TBKBP1: variants seen among roughly 807,000 people sequenced by gnomAD.
The protein encoded by TBKBP1 is TBK1 binding protein 1.
In TBKBP1, 47 loss-of-function variants were observed where a neutral mutation model predicts 69.9. That is an observed-to-expected ratio of 0.67 (90% confidence interval 0.53 to 0.86). TBKBP1 has a LOEUF of 0.86. Ranked by LOEUF, TBKBP1 falls within the 40% of genes least tolerant of loss-of-function variation. The pLI is 0.00. For synonymous variants in TBKBP1, 418 were observed against 390.3 expected (o/e 1.07, Z -0.84); for missense variants, 831 against 858.6 (o/e 0.97, Z 0.40).
chr17:47,707,040 ATCTGTGTGGAGTGACACCTGGTATTT>A (rs2031727306), intron 7 of TBKBP1, among the ~76,000 whole-genome samples: 1 of 152,172 alleles, frequency 6.6e-6, no homozygotes, highest in Non-Finnish European at 1.5e-5. Flanking sequence ...CTGGGAAGAG[ATCTGTGTGGAGTGACACCTGGTATTT>A]TCTCCCAGCT....
intron 3 of TBKBP1, 101 bp downstream of exon 3, chr17:47,696,934 A>T (rs569249574): frequency 9.1e-6 from 14 of 1,546,458 alleles, no homozygotes; most frequent in Non-Finnish European, 1.1e-5. Context: ...CTGCCCTTTG[A>T]TTAGAGATGG....
In TBKBP1 at chr17:47,705,444, T is replaced by G. The variant is rs74431126; in HGVS notation, c.873-2950T>G. ...GTGAGCACTCAAACAGATCATCCGA[T>G]TCTTTTCTCTCTGGGTGCCTCCCAG... On this transcript the variant is annotated intron_variant, in intron 7 of 9. Transcript: ENST00000578982. 4.2e-3 allele frequency among the ~76,000 whole-genome samples: 636 copies of G among 152,346 alleles called. 2 individuals carry two copies. The highest frequency in any genetic ancestry group is 6.8e-3 in the Non-Finnish European group (462 of 68,040).
chr17:47,694,888 A>AG (rs56069116), intron 1 of TBKBP1, among the ~76,000 whole-genome samples: 38,758 of 126,156 alleles, frequency 0.31, 6,725 homozygotes, highest in Non-Finnish European at 0.37. Context: ...TGGGTGGCGG[A>AG]GGGGGGGGGG....
chr17:47,708,418 C>T lies in TBKBP1; in HGVS notation c.897C>T (p.Thr299=), dbSNP rs372392812. Residue 299 remains threonine (T), a synonymous_variant, in exon 8 of 10, where the codon ACC becomes ACT. Coordinates refer to ENST00000578982, the MANE Select transcript of TBKBP1 (RefSeq NM_001394755.1). This position sits in a 1 kb window ranked among gnomAD's most constrained non-coding sequence, Gnocchi z 4.4. ...DDQVNLALAY[T]ELTEELGRLR... is the part of the protein sequence containing the mutation. ...GGGTGAATTTGGCGCTGGCCTACAC[C>T]GAGCTGACGGAGGAGCTGGGCCGGC... The T allele has an allele frequency of 4.0e-4, 647 of 1,613,922 alleles. 1 individual carries two copies. Among genetic ancestry groups the T allele is most frequent in the Non-Finnish European group, 4.0e-4 (470 of 1,179,846 alleles).
rs1157523584 is a variant in TBKBP1, at chr17:47,696,173, G to A, written c.61G>A (p.Glu21Lys). 1.9e-6 allele frequency: 3 copies of A among 1,613,742 alleles called. No individual in the cohort carries two copies. The highest frequency in any genetic ancestry group is 8.5e-7 in the Non-Finnish European group (1 of 1,179,866). The change falls in exon 2 of 10, where the codon GAG becomes AAG. Residue 21 changes from glutamate to lysine, a missense_variant. Physicochemically the swap from Glu to Lys is moderately conservative, Grantham distance 56. Transcript: ENST00000578982. ...GACGCAGGAGGCCCTGGGGCCTAGT[G>A]AGGTGTGGCTGGACAGTCCCGGAGA... Reference protein sequence around the residue: ...ILTQEALGPSEVWLDSPGDPS... With the variant: ...ILTQEALGPSKVWLDSPGDPS...
At chr17:47,702,699 C>T (rs1328196039) in intron 7 of TBKBP1, among the ~76,000 whole-genome samples, 1 of 152,084 alleles carries the variant, frequency 6.6e-6, no homozygotes, top group Admixed American at 6.6e-5. Context: ...GTTTGGTTTG[C>T]CCAGCTCCTG....
Position 47,708,937 on chromosome 17 carries a change from G to A in TBKBP1, c.1204G>A (p.Val402Met). The change falls in exon 9 of 10, where the codon GTG becomes ATG. Residue 402 changes from valine (V) to methionine (M), a missense_variant. Val to Met is a conservative substitution (Grantham distance 21). Coordinates refer to ENST00000578982, the MANE Select transcript of TBKBP1 (RefSeq NM_001394755.1). The surrounding 1 kb of genome is among the most constrained non-coding windows in gnomAD (Gnocchi z 4.4). ...PSPVPQRRSP[V>M]PPSCQSPSPQ... Reference sequence around the variant, plus strand: ...GCCCGTCCCGCAGCGCCGCTCGCCGGTGCCGCCGTCGTGCCAGTCCCCCAG... The same window carrying A: ...GCCCGTCCCGCAGCGCCGCTCGCCGATGCCGCCGTCGTGCCAGTCCCCCAG... 7.9e-7 allele frequency: 1 copy of A among 1,262,476 alleles called. No homozygotes were observed. The highest frequency in any genetic ancestry group is 1.7e-5 in the South Asian group (1 of 58,220). 78.2% of individuals were successfully genotyped at this position (1,262,476 alleles called of 1,614,324 possible).
In TBKBP1 at chr17:47,709,161, G is replaced by A. The variant is rs1031736640; in HGVS notation, c.1428G>A (p.Pro476=). 6.3e-5 allele frequency: 90 copies of A among 1,432,834 alleles called. No individual in the cohort carries two copies. Among genetic ancestry groups the A allele is most frequent in the Non-Finnish European group, 7.8e-5 (86 of 1,101,474 alleles). The allele number at this position is 1,432,834 out of a possible 1,614,324, so 88.8% of individuals were successfully genotyped here. Residue 476 remains proline, a synonymous_variant, in exon 9 of 10, where the codon CCG becomes CCA. Coordinates refer to ENST00000578982, the MANE Select transcript of TBKBP1 (RefSeq NM_001394755.1). Reference sequence around the variant, plus strand: ...GCGCGGCCTACGCGGGCGCCTCCCCGCCCTGGCTGCAGGCCGAAGCGGCCA... The same window carrying A: ...GCGCGGCCTACGCGGGCGCCTCCCCACCCTGGCTGCAGGCCGAAGCGGCCA... ...AEGAAYAGAS[P]PWLQAEAATL...
Position 47,709,434 on chromosome 17 carries a change from G to T in TBKBP1, c.1701G>T (p.Gln567His). The change falls in exon 9 of 10, where the codon CAG becomes CAT. Residue 567 changes from glutamine to histidine, a missense_variant. Transcript: ENST00000578982. ...ATAYAHAEHAQSWPSINLLME... is the reference protein window; with the variant it reads ...ATAYAHAEHAHSWPSINLLME... ...CCTACGCCCACGCCGAGCACGCGCA[G>T]TCCTGGCCGTCCATCAACGTGAGTG... The T allele has an allele frequency of 6.5e-7, 1 of 1,533,606 alleles. No individual in the cohort carries two copies. The highest frequency in any genetic ancestry group is 8.7e-7 in the Non-Finnish European group (1 of 1,148,370). The allele number at this position is 1,533,606 out of a possible 1,614,324, so 95.0% of individuals were successfully genotyped here. A position where few individuals can be genotyped will look rare whatever the true frequency, so the allele number is the denominator to read the frequency against.
At position 47,709,242 on chromosome 17, in the gene TBKBP1, C is replaced by T. The variant is rs2031826952; in HGVS notation, c.1509C>T (p.Leu503=). The T allele has an allele frequency of 1.1e-5, 16 of 1,522,838 alleles. No individual in the cohort carries two copies. Among genetic ancestry groups the T allele is most frequent in the Non-Finnish European group, 1.3e-5 (15 of 1,144,140 alleles). 94.3% of individuals were successfully genotyped at this position (1,522,838 alleles called of 1,614,324 possible). The change falls in exon 9 of 10, where the codon CTC becomes CTT. Residue 503 remains leucine, a synonymous_variant. Coordinates refer to ENST00000578982, the MANE Select transcript of TBKBP1 (RefSeq NM_001394755.1). The part of the protein sequence containing the change: ...GSELYGPGRP[L]SPRRAFEGIR... ...AGCTCTACGGCCCTGGCAGGCCCCT[C>T]AGCCCGCGGCGCGCCTTCGAGGGCA...
rs2031800280 is a variant in TBKBP1, at chr17:47,708,891, G to T, written c.1158G>T (p.Pro386=). The change falls in exon 9 of 10, where the codon CCG becomes CCT. Residue 386 remains proline (P), a synonymous_variant. Coordinates refer to ENST00000578982, the MANE Select transcript of TBKBP1 (RefSeq NM_001394755.1). This position sits in a 1 kb window ranked among gnomAD's most constrained non-coding sequence, Gnocchi z 4.4. ...PCPSPQQRRS[P]ASPSCPSPVP... ...CCTCGCCGCAGCAGCGCCGCTCTCCGGCCTCACCCTCCTGCCCGTCGCCCG... is the reference window on the plus strand; with the variant it reads ...CCTCGCCGCAGCAGCGCCGCTCTCCTGCCTCACCCTCCTGCCCGTCGCCCG... The T allele has an allele frequency of 1.4e-6, 2 of 1,397,694 alleles. No individual in the cohort carries two copies. Among genetic ancestry groups the T allele is most frequent in the African/African-American group, 1.6e-5 (1 of 62,768 alleles). The allele number at this position is 1,397,694 out of a possible 1,614,324, so 86.6% of individuals were successfully genotyped here.
At chr17:47,710,424 G>T in intron 9 of TBKBP1, 74 bp from the exon 10 acceptor site, 6 of 1,556,404 alleles carry the variant, frequency 3.9e-6, no homozygotes, top group Non-Finnish European at 5.3e-6. Flanking sequence ...TGGGTCCTGG[G>T]ACAGGGCAGG....
At chr17:47,698,478 G>T in intron 4 of TBKBP1, 117 bp from the exon 5 acceptor site, 1 of 1,121,896 alleles carries the variant, frequency 8.9e-7, no homozygotes, top group South Asian at 1.7e-5. Flanking sequence ...ACAGCCACTT[G>T]GAGAGTGGGC....
intron 4 of TBKBP1, among the ~76,000 whole-genome samples, chr17:47,697,758 A>G (rs1348402261): frequency 6.6e-6 from 1 of 152,138 alleles, no homozygotes; most frequent in Non-Finnish European, 1.5e-5. Flanking sequence ...AGCCTGGGCA[A>G]CATAGTGAAA....
Position 47,710,709 on chromosome 17 carries a change from T to G in TBKBP1, c.*83T>G, listed in dbSNP as rs1318069173. 17 of 1,529,326 alleles carry G rather than the reference T, an allele frequency of 1.1e-5. No individual in the cohort carries two copies. The highest frequency in any genetic ancestry group is 7.1e-5 in the Admixed American group (4 of 56,024). 94.7% of individuals were successfully genotyped at this position (1,529,326 alleles called of 1,614,324 possible). A position where few individuals can be genotyped will look rare whatever the true frequency, so the allele number is the denominator to read the frequency against. ...CACTTTGAATGCTGCATGAATCTCGTGGGGGGTCCCTGCCCTTGCGACCCC... is the reference window on the plus strand; with the variant it reads ...CACTTTGAATGCTGCATGAATCTCGGGGGGGGTCCCTGCCCTTGCGACCCC... On this transcript the variant is annotated 3_prime_UTR_variant, in exon 10 of 10. Coordinates refer to ENST00000578982, the MANE Select transcript of TBKBP1 (RefSeq NM_001394755.1).
rs1726253703 is a variant in TBKBP1, at chr17:47,708,833, T to A, written c.1100T>A (p.Val367Asp). ...CCGTGCCCCCCGTGCCAGTCCCCCGTCCCCCAGCGCCGCTCTCCCGTGCCC... is the reference window on the plus strand; with the variant it reads ...CCGTGCCCCCCGTGCCAGTCCCCCGACCCCCAGCGCCGCTCTCCCGTGCCC... ...APPCPPCQSP[V>D]PQRRSPVPPC... Residue 367 changes from valine to aspartate, a missense_variant, in exon 9 of 10, where the codon GTC (valine) becomes GAC (aspartate). By Grantham distance (152) the Val-to-Asp change is radical. Transcript: ENST00000578982. This position sits in a 1 kb window ranked among gnomAD's most constrained non-coding sequence, Gnocchi z 4.4. The A allele has an allele frequency of 9.2e-7, 1 of 1,092,120 alleles. No individual in the cohort carries two copies. Among genetic ancestry groups the A allele is most frequent in the Admixed American group, 3.8e-5 (1 of 26,636 alleles). The allele number at this position is 1,092,120 out of a possible 1,614,324, so 67.7% of individuals were successfully genotyped here. A position where few individuals can be genotyped will look rare whatever the true frequency, so the allele number is the denominator to read the frequency against.
In TBKBP1 at chr17:47,711,266, G is replaced by A. The variant is rs2031914392; in HGVS notation, c.*640G>A. ...GAATAGGGAGGGGAGGAGAGGAGAGGAGAGGGAGGATCCTGGAGGACTGGG... is the reference window on the plus strand; with the variant it reads ...GAATAGGGAGGGGAGGAGAGGAGAGAAGAGGGAGGATCCTGGAGGACTGGG... On this transcript the variant is annotated 3_prime_UTR_variant, in exon 10 of 10. Transcript: ENST00000578982. 1 of 153,146 alleles carries A rather than the reference G, an allele frequency of 6.5e-6. No individual in the cohort carries two copies. The highest frequency in any genetic ancestry group is 6.5e-5 in the Admixed American group (1 of 15,276). 9.5% of individuals were successfully genotyped at this position (153,146 alleles called of 1,614,324 possible).
chr17:47,699,576 GTAGACA>G (rs1555622131), intron 6 of TBKBP1, 54 bp from the exon 7 acceptor site: 18 of 1,613,822 alleles, frequency 1.1e-5, no homozygotes, highest in Non-Finnish European at 1.4e-5. Flanking sequence ...CCAGGGAACT[GTAGACA>G]AGGGCCCTGG....
chr17:47,699,876 G>A (rs1421832377), intron 7 of TBKBP1, among the ~76,000 whole-genome samples, 179 bp downstream of exon 7: 1 of 150,490 alleles, frequency 6.6e-6, no homozygotes, highest in Non-Finnish European at 1.5e-5. Context: ...AGGCTGGAGT[G>A]CAATGGCGTG....
Sources: allele counts gnomAD v4.1 joint callset (sites outside exome capture counted in the v4.1 genomes callset), GRCh38; gene constraint gnomAD v4.1.1; non-coding constraint Gnocchi (gnomAD v3.1); transcripts MANE v1.5; gene names NCBI Gene and HGNC (gene_info 2026-07-23, HGNC 2026-07-21).